CA10: variants seen among roughly 807,000 people sequenced by gnomAD.
The protein encoded by CA10 is carbonic anhydrase 10 (inactive).
In CA10, 14 loss-of-function variants were observed where a neutral mutation model predicts 44.2. The ratio of observed to expected loss-of-function variants is 0.32; its 90% CI spans 0.21 to 0.50. The LOEUF (loss-of-function observed/expected upper bound fraction) is 0.50, where lower values mean the gene tolerates loss of function less well. Among genes scored for constraint, CA10 ranks in the 20% least tolerant of loss-of-function variants. The pLI, the probability that CA10 is intolerant of heterozygous loss-of-function variation, is 0.99. For missense variants in CA10, 350 were observed against 409.7 expected (o/e 0.85, Z 1.26); for synonymous variants, 159 against 141.6 (o/e 1.12, Z -0.87).
intron 1 of CA10, among the ~76,000 whole-genome samples, chr17:52,148,192 C>T (rs1171372045): frequency 6.6e-6 from 1 of 152,164 alleles, no homozygotes; most frequent in African/African-American, 2.4e-5. Flanking sequence ...GCTATTCTCC[C>T]TAAAGCACTC....
chr17:52,053,178 A>G (rs2143056439), intron 2 of CA10, among the ~76,000 whole-genome samples: 1 of 152,236 alleles, frequency 6.6e-6, no homozygotes, highest in East Asian at 1.9e-4. Flanking sequence ...CTGCTCCTAT[A>G]TCTTGAAGGA....
At chr17:51,942,153 C>A (rs1050579296) in intron 2 of CA10, among the ~76,000 whole-genome samples, 3 of 152,062 alleles carry the variant, frequency 2.0e-5, no homozygotes, top group African/African-American at 7.2e-5. Context: ...TCTATAGAAA[C>A]CTCCAGCTGT....
intron 2 of CA10, among the ~76,000 whole-genome samples, chr17:52,024,415 G>A (rs1172325610): frequency 6.6e-6 from 1 of 151,800 alleles, no homozygotes; most frequent in African/African-American, 2.4e-5. Context: ...CTAGTCACCA[G>A]TTGCCCTAAG....
chr17:51,691,985 G>A (rs926373882), intron 4 of CA10, among the ~76,000 whole-genome samples: 1 of 152,178 alleles, frequency 6.6e-6, no homozygotes, highest in African/African-American at 2.4e-5. Flanking sequence ...TAATTGAGAT[G>A]TATTGTGATT....
rs764204570 is a variant in CA10, at chr17:51,677,888, C to A, written c.466-24152G>T. Among the ~76,000 whole-genome samples the A allele has an allele frequency of 2.3e-4, 8 of 35,464 alleles. No individual in the cohort carries two copies. The South Asian group carries it at 3.8e-3, about 17-fold the overall frequency. The allele number at this position is 35,464 out of a possible 152,430, so 23.3% of individuals were successfully genotyped here. A position where few individuals can be genotyped will look rare whatever the true frequency, so the allele number is the denominator to read the frequency against. On this transcript the variant is annotated intron_variant, in intron 4 of 8. Coordinates refer to ENST00000451037, the MANE Select transcript of CA10 (RefSeq NM_020178.5). ...ACAATGCCACTCCTAGGTATACACC[C>A]CCCCCCCCACCGGCTGCCAATTGAA...
intron 4 of CA10, among the ~76,000 whole-genome samples, chr17:51,733,672 T>C (rs565993113): frequency 3.0e-4 from 45 of 152,308 alleles, no homozygotes; most frequent in African/African-American, 9.1e-4. Flanking sequence ...GCAGAAACAT[T>C]CTCTCTTTTG....
At chr17:51,755,728 T>A (rs1433051160) in intron 3 of CA10, among the ~76,000 whole-genome samples, 4 of 152,190 alleles carry the variant, frequency 2.6e-5, no homozygotes. Flanking sequence ...TTACTATGTG[T>A]CAGATGTTGT....
chr17:52,123,899 G>C (rs1176737876), intron 1 of CA10, among the ~76,000 whole-genome samples: 1 of 152,120 alleles, frequency 6.6e-6, no homozygotes, highest in Non-Finnish European at 1.5e-5. Flanking sequence ...CATCCAATAG[G>C]AGCAGACCCT....
At chr17:51,812,914 C>A (rs1907427830) in intron 3 of CA10, among the ~76,000 whole-genome samples, 1 of 152,186 alleles carries the variant, frequency 6.6e-6, no homozygotes, top group Non-Finnish European at 1.5e-5. Context: ...CCAAATAGCT[C>A]CCCATTTTCA....
intron 3 of CA10, among the ~76,000 whole-genome samples, chr17:51,893,393 G>A (rs1472601347): frequency 6.6e-6 from 1 of 152,136 alleles, no homozygotes; most frequent in African/African-American, 2.4e-5. Context: ...GGTATTTTGA[G>A]TGATGACTGT....
chr17:52,037,497 A>C (rs117218116), intron 2 of CA10, among the ~76,000 whole-genome samples: 3,629 of 152,300 alleles, frequency 0.024, 64 homozygotes, highest in South Asian at 0.064. Flanking sequence ...TGTACATTTC[A>C]TAAAGAAATA....
chr17:52,127,752 T>G (rs1567742291), intron 1 of CA10, among the ~76,000 whole-genome samples: 1 of 152,230 alleles, frequency 6.6e-6, no homozygotes, highest in Non-Finnish European at 1.5e-5. Context: ...TTAATGCTTC[T>G]TTGTCCTTTC....
intron 2 of CA10, among the ~76,000 whole-genome samples, chr17:51,990,580 T>G (rs1380369927): frequency 7.9e-5 from 12 of 152,122 alleles, no homozygotes. Context: ...TTTCTTGATA[T>G]CTAGGTGGTA....
chr17:51,786,821 T>C (rs1054277480), intron 3 of CA10, among the ~76,000 whole-genome samples: 3 of 152,178 alleles, frequency 2.0e-5, no homozygotes, highest in Non-Finnish European at 4.4e-5. Context: ...CTGTCATATA[T>C]AGCTTTTATT....
At chr17:51,698,291 C>A (rs916945903) in intron 4 of CA10, among the ~76,000 whole-genome samples, 1 of 152,188 alleles carries the variant, frequency 6.6e-6, no homozygotes, top group Non-Finnish European at 1.5e-5. Context: ...AGTGAAGCAG[C>A]GTGTGCTCCA....
intron 1 of CA10, among the ~76,000 whole-genome samples, chr17:52,115,642 T>C (rs1988878046): frequency 6.6e-6 from 1 of 152,224 alleles, no homozygotes; most frequent in South Asian, 2.1e-4. Flanking sequence ...ACAGGACAGA[T>C]GGGTGAGCAG....
intron 2 of CA10, among the ~76,000 whole-genome samples, chr17:52,053,681 G>A (rs1022615113): frequency 1.2e-4 from 19 of 152,100 alleles, no homozygotes; most frequent in African/African-American, 4.3e-4. Context: ...TGAGTGCACA[G>A]AAAGGATACA....
rs1012255413 is a variant in CA10 at position 51,931,069 on chromosome 17, G to A, written c.200C>T (p.Ser67Leu). The stretch of plus-strand genomic sequence containing the variant: ...GTGACTGGTCTCTATGTTGACTGGC[G>A]ACTGCCGTTTCCCCACAGAGCAAAG... ...WNLCSVGKRQ[S>L]PVNIETSHMI... Residue 67 changes from serine (S) to leucine (L), a missense_variant, in exon 3 of 9, where the codon TCG becomes TTG. By Grantham distance (145) the Ser-to-Leu change is moderately radical. Coordinates refer to ENST00000451037, the MANE Select transcript of CA10 (RefSeq NM_020178.5). 1 of 1,613,602 alleles carries A rather than the reference G, an allele frequency of 6.2e-7. No individual in the cohort carries two copies. Among genetic ancestry groups the A allele is most frequent in the Non-Finnish European group, 8.5e-7 (1 of 1,179,688 alleles).
At chr17:51,908,033 T>C (rs1236481871) in intron 3 of CA10, among the ~76,000 whole-genome samples, 1 of 152,114 alleles carries the variant, frequency 6.6e-6, no homozygotes, top group Non-Finnish European at 1.5e-5. Context: ...AGTGAGTAAA[T>C]GAATGAATAA....
Sources: allele counts gnomAD v4.1 joint callset (sites outside exome capture counted in the v4.1 genomes callset), GRCh38; gene constraint gnomAD v4.1.1; transcripts MANE v1.5; gene names NCBI Gene and HGNC (gene_info 2026-07-23, HGNC 2026-07-21).